Variants in PIGB observed in about 807,000 individuals in gnomAD.
PIGB encodes GPI alpha-1,2-mannosyltransferase 3.
Under a neutral mutation model 68.4 loss-of-function variants are expected in PIGB, and 58 were observed. The observed-to-expected ratio is 0.85, with a 90% CI of 0.69 to 1.06. PIGB has a LOEUF of 1.06. Among genes scored for constraint, PIGB ranks in the 50% least tolerant of loss-of-function variants. The pLI is 0.00. For synonymous variants in PIGB, 219 were observed against 220.5 expected (o/e 0.99, Z 0.06); for missense variants, 634 against 655.8 (o/e 0.97, Z 0.36).
At chr15:55,319,873 A>G (rs542822447) in intron 1 of PIGB, 49 of 180,798 alleles carry the variant, frequency 2.7e-4, no homozygotes, top group African/African-American at 1.1e-3. Context: ...TCATCAATAT[A>G]TATGTACAGA....
chr15:55,321,803 C>A (rs2055173293), intron 3 of PIGB, among the ~76,000 whole-genome samples: 1 of 149,544 alleles, frequency 6.7e-6, no homozygotes, highest in Non-Finnish European at 1.5e-5. Context: ...CAGGCATGCA[C>A]CACCATGCCC....
At position 55,340,622 on chromosome 15, in the gene PIGB, T is replaced by C. The variant is rs2141199554; in HGVS notation, c.857T>C (p.Val286Ala). The change falls in exon 8 of 12, where the codon GTT (valine) becomes GCT (alanine). Residue 286 changes from valine to alanine, a missense_variant. Coordinates refer to ENST00000164305, the MANE Select transcript of PIGB (RefSeq NM_004855.5). ...DRIFFGQWTLVQFNFLKFNVL... is the reference protein window; with the variant it reads ...DRIFFGQWTLAQFNFLKFNVL... ...CTTCAACGGTGCCAGTGGACTCTGG[T>C]TCAATTTAATTTTTTGAAATTTAAC... The C allele has an allele frequency of 6.2e-7, 1 of 1,609,130 alleles. No individual in the cohort carries two copies. Among genetic ancestry groups the C allele is most frequent in the African/African-American group, 1.3e-5 (1 of 74,982 alleles).
At position 55,319,413 on chromosome 15, in the gene PIGB, GGTGA is replaced by G. The variant is rs2055109652; in HGVS notation, c.163+6_163+9del. Reference sequence around the variant, plus strand: ...GGAGAAGAGCGCCAGGCGCCGCGGGGGTGAGTGAGGGGACACTGTCTGGAGAGCT... The same window carrying G: ...GGAGAAGAGCGCCAGGCGCCGCGGGGGTGAGGGGACACTGTCTGGAGAGCT... On this transcript the variant is annotated splice_donor_variant and splice_donor_region_variant and intron_variant, in intron 1 of 11. Coordinates refer to ENST00000164305, the MANE Select transcript of PIGB (RefSeq NM_004855.5). LOFTEE classifies it high-confidence loss of function. 1.3e-6 allele frequency: 2 copies of G among 1,551,468 alleles called. No individual in the cohort carries two copies. Among genetic ancestry groups the G allele is most frequent in the Non-Finnish European group, 1.7e-6 (2 of 1,146,828 alleles).
intron 6 of PIGB, among the ~76,000 whole-genome samples, chr15:55,334,244 C>CTTTA (rs2055486523): frequency 6.6e-6 from 1 of 152,156 alleles, no homozygotes; most frequent in Non-Finnish European, 1.5e-5. Flanking sequence ...TTTTCCAATG[C>CTTTA]TTTATTTCCT....
rs559746488 is a variant in PIGB, at chr15:55,350,586, T to A, written c.1124-113T>A. On this transcript the variant is annotated intron_variant, in intron 9 of 11. Coordinates refer to ENST00000164305, the MANE Select transcript of PIGB (RefSeq NM_004855.5). ...TGACTTATTGCTTATTTCTTATTTGTCTATAACAGTATTACAGTTTTTGCT... is the reference window on the plus strand; with the variant it reads ...TGACTTATTGCTTATTTCTTATTTGACTATAACAGTATTACAGTTTTTGCT... 37 of 714,868 alleles carry A rather than the reference T, an allele frequency of 5.2e-5. No homozygotes were observed. The African/African-American group carries it at 6.5e-4, about 13-fold the overall frequency. 44.3% of individuals were successfully genotyped at this position (714,868 alleles called of 1,614,324 possible).
intron 2 of PIGB, 99 bp downstream of exon 2, chr15:55,320,509 C>T (rs1206512257): frequency 3.1e-5 from 34 of 1,080,410 alleles, no homozygotes; most frequent in Non-Finnish European, 4.1e-5. Flanking sequence ...CCCTCGTCTT[C>T]AGTAGATAGT....
At chr15:55,332,159 G>A (rs550463536) in intron 5 of PIGB, among the ~76,000 whole-genome samples, 1 of 151,408 alleles carries the variant, frequency 6.6e-6, no homozygotes, top group Admixed American at 6.6e-5. Context: ...ATTTTTAGTA[G>A]AGATGGGGTT....
intron 5 of PIGB, 88 bp from the exon 6 acceptor site, chr15:55,333,779 C>T (rs1336185466): frequency 4.1e-6 from 4 of 982,584 alleles, no homozygotes; most frequent in Non-Finnish European, 5.7e-6. Context: ...CTATTTATAC[C>T]AAAAGGAAAA....
intron 10 of PIGB, 52 bp from the exon 11 acceptor site, chr15:55,354,746 G>A (rs2056033315): frequency 1.4e-6 from 2 of 1,417,130 alleles, no homozygotes; most frequent in Non-Finnish European, 9.6e-7. Flanking sequence ...TAAGACTAAT[G>A]AAAACTTTCA....
intron 5 of PIGB, among the ~76,000 whole-genome samples, chr15:55,331,671 C>A (rs28544417): frequency 6.6e-5 from 10 of 151,846 alleles, no homozygotes; most frequent in African/African-American, 2.4e-4. Flanking sequence ...CGAGGTCACA[C>A]GATTGCACTC....
chr15:55,333,937 T>C lies in PIGB; in HGVS notation c.724T>C (p.Leu242=). The C allele has an allele frequency of 6.2e-7, 1 of 1,609,936 alleles. No homozygotes were observed. The highest frequency in any genetic ancestry group is 8.5e-7 in the Non-Finnish European group (1 of 1,178,094). The stretch of plus-strand genomic sequence containing the variant: ...CACAGCTGTCATTCTGTGGACACCT[T>C]TGCTCTTCAGACATTTCTGTCAAGA... ...RPTAVILWTP[L]LFRHFCQEPR... The change falls in exon 6 of 12, where the codon TTG becomes CTG. Residue 242 remains leucine (L), a synonymous_variant. Transcript: ENST00000164305.
intron 4 of PIGB, among the ~76,000 whole-genome samples, chr15:55,328,835 A>G (rs922169044): frequency 2.6e-5 from 4 of 152,290 alleles, no homozygotes; most frequent in Non-Finnish European, 5.9e-5. Context: ...GCGTGGTGGC[A>G]GACACCTGTA....
intron 3 of PIGB, among the ~76,000 whole-genome samples, chr15:55,325,773 A>T (rs2055268057): frequency 6.6e-6 from 1 of 152,052 alleles, no homozygotes; most frequent in South Asian, 2.1e-4. Context: ...AAAATTAGCC[A>T]GGCGTGGTGG....
At chr15:55,350,427 T>C (rs997421680) in intron 9 of PIGB, 2 of 422,448 alleles carry the variant, frequency 4.7e-6, no homozygotes, top group African/African-American at 2.0e-5. Flanking sequence ...GTAAAACGAC[T>C]TGTGCTAGAA....
rs2141159262 is a variant in PIGB at position 55,321,256 on chromosome 15, C to T, written c.300-17C>T. 1 of 1,541,950 alleles carries T rather than the reference C, an allele frequency of 6.5e-7. No individual in the cohort carries two copies. The highest frequency in any genetic ancestry group is 8.8e-7 in the Non-Finnish European group (1 of 1,142,478). The stretch of plus-strand genomic sequence containing the variant: ...AGGTTTCAATATTATTGGACATTTA[C>T]TCCTTAATGTTACTAATTATGGTTA... On this transcript the variant is annotated splice_polypyrimidine_tract_variant and intron_variant, in intron 2 of 11. Coordinates refer to ENST00000164305, the MANE Select transcript of PIGB (RefSeq NM_004855.5).
At chr15:55,332,404 G>C (rs35715239) in intron 5 of PIGB, among the ~76,000 whole-genome samples, 74,077 of 147,866 alleles carry the variant, frequency 0.5, 21,435 homozygotes, top group African/African-American at 0.8. Context: ...GAGTTTCATT[G>C]TTGTTGCCCA....
chr15:55,325,675 G>A (rs772455394), intron 3 of PIGB, among the ~76,000 whole-genome samples: 72 of 152,160 alleles, frequency 4.7e-4, no homozygotes, highest in Non-Finnish European at 9.7e-4. Flanking sequence ...CTAGCACTTT[G>A]GGAGGCTGAG....
At chr15:55,347,983 C>CTTTTTTTTTT (rs576991463) in intron 9 of PIGB, among the ~76,000 whole-genome samples, 2 of 94,006 alleles carry the variant, frequency 2.1e-5, no homozygotes, top group African/African-American at 3.6e-5. Context: ...GCCATAGTTT[C>CTTTTTTTTTT]TTTTTTTTTT....
intron 5 of PIGB, 101 bp from the exon 6 acceptor site, chr15:55,333,766 T>C: frequency 2.6e-6 from 2 of 780,072 alleles, no homozygotes; most frequent in Admixed American, 3.8e-5. Context: ...AAAGTTCATA[T>C]AGCTATTTAT....
Sources: gnomAD v4.1 joint callset for allele counts (sites outside exome capture counted in the v4.1 genomes callset) on GRCh38, gnomAD v4.1.1 for gene constraint, MANE v1.5 for transcripts, NCBI Gene and HGNC (gene_info 2026-07-23, HGNC 2026-07-21) for gene names.